PHACTR3: variants seen among roughly 807,000 people sequenced by gnomAD.
PHACTR3 encodes the protein protein phosphatase 1, regulatory subunit 123.
PHACTR3 carries 16 observed loss-of-function variants against 66.8 expected under a neutral mutation model. The observed-to-expected ratio is 0.24, with a 90% CI of 0.16 to 0.36. PHACTR3 has a LOEUF of 0.36. Among genes scored for constraint, PHACTR3 ranks in the 10% least tolerant of loss-of-function variants. PHACTR3 has a pLI of 1.00. For missense variants in PHACTR3, 647 were observed against 719.9 expected, an observed-to-expected ratio of 0.90 and a Z score of 1.16; for synonymous variants, 323 against 292.1, an observed-to-expected ratio of 1.11 and a Z score of -1.08.
chr20:59,823,642 T>C (rs2042110248), intron 8 of PHACTR3, among the ~76,000 whole-genome samples: 1 of 152,196 alleles, frequency 6.6e-6, no homozygotes, highest in Non-Finnish European at 1.5e-5. Context: ...TGACAGTTTC[T>C]TTGGAGAGGA....
At chr20:59,842,955 A>G (rs745541609) in intron 11 of PHACTR3, among the ~76,000 whole-genome samples, 7 of 152,174 alleles carry the variant, frequency 4.6e-5, no homozygotes, top group Non-Finnish European at 8.8e-5. Context: ...CTTTACAGAC[A>G]ATATGATCTT....
At position 59,673,993 on chromosome 20, in the gene PHACTR3, C is replaced by T. The variant is rs116972614; in HGVS notation, c.118+68861C>T. 4.3e-3 allele frequency among the ~76,000 whole-genome samples: 650 copies of T among 152,288 alleles called. 2 individuals carry two copies. Among genetic ancestry groups the T allele is most frequent in the Non-Finnish European group, 7.4e-3 (502 of 68,022 alleles). ...GAAGCTTGGGAAGGCCAGGAAATCC[C>T]GCGCTGGTCTCCAGACCTGCCTGCC... is the stretch of plus-strand genomic sequence containing the variant. On this transcript the variant is annotated intron_variant, in intron 1 of 12. Coordinates refer to ENST00000371015, the MANE Select transcript of PHACTR3 (RefSeq NM_080672.5).
intron 1 of PHACTR3, among the ~76,000 whole-genome samples, chr20:59,590,701 T>G (rs1431777920): frequency 6.6e-6 from 1 of 152,108 alleles, no homozygotes; most frequent in East Asian, 1.9e-4. Flanking sequence ...GATGGATAAT[T>G]TAGAAACAGC....
At chr20:59,612,591 G>C (rs1279433800) in intron 1 of PHACTR3, among the ~76,000 whole-genome samples, 1 of 152,154 alleles carries the variant, frequency 6.6e-6, no homozygotes. Context: ...TCACTATGCT[G>C]ACCAGGCTGG....
intron 1 of PHACTR3, among the ~76,000 whole-genome samples, chr20:59,739,133 T>C (rs1399416024): frequency 2.0e-5 from 3 of 152,152 alleles, no homozygotes; most frequent in African/African-American, 7.2e-5. Context: ...GCTGCCCTGG[T>C]TCCACACATT....
chr20:59,582,627 GAAGTGA>G (rs1196119855), intron 1 of PHACTR3, among the ~76,000 whole-genome samples: 6 of 152,206 alleles, frequency 3.9e-5, no homozygotes, highest in Non-Finnish European at 7.3e-5. Context: ...ATCCTCCAGA[GAAGTGA>G]AAATTACATT....
At chr20:59,605,159 CGGGT>C in intron 1 of PHACTR3, 27 bp downstream of exon 1, 9 of 247,574 alleles carry the variant, frequency 3.6e-5, no homozygotes, top group East Asian at 1.5e-4. Flanking sequence ...GGGCGGCGGG[CGGGT>C]CGGGGAGGCC....
chr20:59,586,839 C>A (rs759014979), intron 1 of PHACTR3, among the ~76,000 whole-genome samples: 29 of 152,248 alleles, frequency 1.9e-4, no homozygotes, highest in African/African-American at 6.3e-4. Context: ...TGAGGAAAAC[C>A]GAGGCTGAAA....
At chr20:59,695,026 A>G (rs2146592206) in intron 1 of PHACTR3, among the ~76,000 whole-genome samples, 1 of 152,252 alleles carries the variant, frequency 6.6e-6, no homozygotes, top group Middle Eastern at 3.4e-3. Flanking sequence ...ATGCATTTTC[A>G]TAATTCCCCC....
Position 59,639,964 on chromosome 20 carries a change from G to A in PHACTR3, c.118+34832G>A, listed in dbSNP as rs533883047. On this transcript the variant is annotated intron_variant, in intron 1 of 12. Transcript: ENST00000371015. ...CCCTAGGCCGACAGAGGCTTTCCTA[G>A]TTCCAATTCTGGCATTGTAAGAGAG... Among the ~76,000 whole-genome samples, 14 of 152,316 alleles carry A rather than the reference G, an allele frequency of 9.2e-5. No individual in the cohort carries two copies. The South Asian group carries it at 2.9e-3, about 32-fold the overall frequency.
At chr20:59,801,373 A>G (rs2041409922) in intron 7 of PHACTR3, among the ~76,000 whole-genome samples, 1 of 152,068 alleles carries the variant, frequency 6.6e-6, no homozygotes, top group South Asian at 2.1e-4. Flanking sequence ...ATACATTTTG[A>G]CTTTGTGTTT....
chr20:59,708,901 A>G (rs1156650680), intron 1 of PHACTR3, among the ~76,000 whole-genome samples: 1 of 152,222 alleles, frequency 6.6e-6, no homozygotes, highest in Non-Finnish European at 1.5e-5. Context: ...ATACAGTGAC[A>G]TTCCCTTCTC....
chr20:59,694,011 G>A (rs2037202875), intron 1 of PHACTR3, among the ~76,000 whole-genome samples: 1 of 152,194 alleles, frequency 6.6e-6, no homozygotes, highest in Admixed American at 6.5e-5. Context: ...CACTGCAGAG[G>A]GGCCTAGTCT....
intron 1 of PHACTR3, among the ~76,000 whole-genome samples, chr20:59,620,450 G>A (rs1398136369): frequency 3.9e-5 from 6 of 152,176 alleles, no homozygotes; most frequent in Non-Finnish European, 8.8e-5. Context: ...TCTCCTTAGC[G>A]TCCGCCAATG....
At chr20:59,678,383 T>G (rs7266699) in intron 1 of PHACTR3, among the ~76,000 whole-genome samples, 1 of 151,982 alleles carries the variant, frequency 6.6e-6, no homozygotes, top group African/African-American at 2.4e-5. Context: ...CCTGCCTCCC[T>G]GGGAGCCACA....
chr20:59,637,146 G>C (rs1012746681), intron 1 of PHACTR3, among the ~76,000 whole-genome samples: 6 of 152,176 alleles, frequency 3.9e-5, no homozygotes, highest in African/African-American at 9.7e-5. Context: ...TCCTGTATGG[G>C]GTCTGAAGGT....
At chr20:59,710,421 G>A (rs770776685) in intron 1 of PHACTR3, among the ~76,000 whole-genome samples, 1 of 152,120 alleles carries the variant, frequency 6.6e-6, no homozygotes, top group Admixed American at 6.5e-5. Flanking sequence ...TTCTTGGGAG[G>A]CAGCAATAAG....
chr20:59,681,636 A>G (rs1242539489), intron 1 of PHACTR3, among the ~76,000 whole-genome samples: 1 of 152,244 alleles, frequency 6.6e-6, no homozygotes, highest in Non-Finnish European at 1.5e-5. Context: ...GGAGAAGTTT[A>G]ATGTTCATAA....
chr20:59,611,713 G>C (rs144626247), intron 1 of PHACTR3, among the ~76,000 whole-genome samples: 1 of 152,036 alleles, frequency 6.6e-6, no homozygotes, highest in East Asian at 1.9e-4. Context: ...CTCCCTCTCC[G>C]GCCCCAGGTC....
Sources: allele counts gnomAD v4.1 joint callset (sites outside exome capture counted in the v4.1 genomes callset), GRCh38; gene constraint gnomAD v4.1.1; transcripts MANE v1.5; gene names NCBI Gene and HGNC (gene_info 2026-07-23, HGNC 2026-07-21).